Variants in WDR70 observed in about 807,000 individuals in gnomAD.
The protein encoded by WDR70 is WD repeat-containing protein 70.
A neutral mutation model predicts 88.6 loss-of-function variants in WDR70; 53 were observed. The observed-to-expected ratio is 0.60, with a 90% CI of 0.48 to 0.75. The LOEUF is 0.75. WDR70 is among the 30% of genes least tolerant of loss of function. The pLI is 0.00. For synonymous variants in WDR70, 280 were observed against 270.0 expected (o/e 1.04, Z -0.36); for missense variants, 610 against 823.2 (o/e 0.74, Z 3.17).
intron 13 of WDR70, among the ~76,000 whole-genome samples, chr5:37,714,035 G>A (rs936022809): frequency 1.3e-5 from 2 of 152,170 alleles, no homozygotes; most frequent in African/African-American, 4.8e-5. Flanking sequence ...TCTTGTAGGA[G>A]GATGGGTTGT....
chr5:37,608,825 C>G (rs1056225806), intron 10 of WDR70, among the ~76,000 whole-genome samples: 3 of 152,178 alleles, frequency 2.0e-5, no homozygotes, highest in Admixed American at 1.3e-4. Context: ...TCCCCAAGTG[C>G]TGGTATGACA....
chr5:37,384,989 C>T (rs181733034), intron 3 of WDR70, among the ~76,000 whole-genome samples: 6 of 152,234 alleles, frequency 3.9e-5, no homozygotes, highest in East Asian at 1.9e-4. Flanking sequence ...TTCCCATGAC[C>T]GCTCTTTTTG....
At chr5:37,694,401 A>T (rs758532880) in intron 10 of WDR70, among the ~76,000 whole-genome samples, 67 of 152,348 alleles carry the variant, frequency 4.4e-4, no homozygotes, top group Non-Finnish European at 9.0e-4. Context: ...GTGCTCACGT[A>T]TGTTAATTGC....
At chr5:37,641,329 C>T (rs1456967377) in intron 10 of WDR70, among the ~76,000 whole-genome samples, 4 of 151,540 alleles carry the variant, frequency 2.6e-5, no homozygotes, top group Admixed American at 6.6e-5. Context: ...TGGTCTTGAA[C>T]TCCTGACCTC....
intron 10 of WDR70, among the ~76,000 whole-genome samples, chr5:37,686,761 A>G (rs1435888873): frequency 1.3e-5 from 2 of 151,476 alleles, no homozygotes; most frequent in African/African-American, 4.9e-5. Context: ...TCCAATTGGG[A>G]GTTTGTATTG....
intron 9 of WDR70, among the ~76,000 whole-genome samples, chr5:37,579,049 A>G (rs992192523): frequency 4.6e-5 from 7 of 152,244 alleles, no homozygotes; most frequent in Non-Finnish European, 8.8e-5. Flanking sequence ...TAAGAGAAAT[A>G]CTGGAATGAA....
At position 37,701,068 on chromosome 5, in the gene WDR70, A is replaced by C; in HGVS notation, c.1203A>C (p.Ser401=). 6.2e-7 allele frequency: 1 copy of C among 1,610,388 alleles called. No individual in the cohort carries two copies. Among genetic ancestry groups the C allele is most frequent in the Non-Finnish European group, 8.5e-7 (1 of 1,176,902 alleles). Reference sequence around the variant, plus strand: ...TCATTCCTCTGTCAGGTGACGATTCATTAAAATTATGGGACATCCGACAAT... The same window carrying C: ...TCATTCCTCTGTCAGGTGACGATTCCTTAAAATTATGGGACATCCGACAAT... ...NVLASRGGDD[S]LKLWDIRQFN... Residue 401 remains serine (S), a synonymous_variant, in exon 12 of 18, where the codon TCA becomes TCC. Transcript: ENST00000265107.
chr5:37,457,638 G>A (rs577712990), intron 7 of WDR70, among the ~76,000 whole-genome samples: 82 of 152,294 alleles, frequency 5.4e-4, no homozygotes, highest in African/African-American at 1.9e-3. Context: ...AGCATTATAT[G>A]TGATGATGAC....
chr5:37,720,815 C>T (rs1168249950), intron 13 of WDR70, among the ~76,000 whole-genome samples: 1 of 152,134 alleles, frequency 6.6e-6, no homozygotes, highest in Non-Finnish European at 1.5e-5. Context: ...TGATGCCAGC[C>T]TCACGTGGTA....
intron 9 of WDR70, among the ~76,000 whole-genome samples, chr5:37,518,602 C>A (rs1740967360): frequency 6.6e-6 from 1 of 151,596 alleles, no homozygotes; most frequent in African/African-American, 2.4e-5. Context: ...ATCCATTTAT[C>A]TGTTGATGGA....
intron 3 of WDR70, among the ~76,000 whole-genome samples, chr5:37,382,320 G>A (rs1186354674): frequency 6.6e-6 from 1 of 150,878 alleles, no homozygotes; most frequent in East Asian, 2.0e-4. Flanking sequence ...GGCTAGTTTC[G>A]AACTCCTGAC....
chr5:37,444,632 C>T lies in WDR70; in HGVS notation c.686+1260C>T, dbSNP rs564303940. ...TGCTGGGATTACAGGCATGAGCCAC[C>T]GCGCCTGGCCCATAAGACACTCTCT... On this transcript the variant is annotated intron_variant, in intron 7 of 17. Transcript: ENST00000265107. Among the ~76,000 whole-genome samples, 188 of 152,124 alleles carry T rather than the reference C, an allele frequency of 1.2e-3. 1 individual carries two copies. Among genetic ancestry groups the T allele is most frequent in the African/African-American group, 4.0e-3 (166 of 41,530 alleles).
chr5:37,746,561 A>G (rs1160389624), intron 17 of WDR70, among the ~76,000 whole-genome samples: 2 of 152,312 alleles, frequency 1.3e-5, no homozygotes, highest in East Asian at 3.9e-4. Context: ...AATCAAATAG[A>G]TGCAATAAAA....
At chr5:37,656,879 G>A (rs936716768) in intron 10 of WDR70, among the ~76,000 whole-genome samples, 1 of 152,152 alleles carries the variant, frequency 6.6e-6, no homozygotes, top group African/African-American at 2.4e-5. Flanking sequence ...TTAGCTCACT[G>A]ATCTCCATGT....
chr5:37,570,903 T>A (rs1368450405), intron 9 of WDR70, among the ~76,000 whole-genome samples: 2 of 152,304 alleles, frequency 1.3e-5, no homozygotes, highest in East Asian at 3.9e-4. Context: ...ATTATTTTCT[T>A]GCCCTAGTTT....
intron 17 of WDR70, among the ~76,000 whole-genome samples, chr5:37,736,778 ATAGTAAAAAG>A (rs1031996402): frequency 6.6e-6 from 1 of 152,072 alleles, no homozygotes; most frequent in Non-Finnish European, 1.5e-5. Flanking sequence ...ATGTTTGGTA[ATAGTAAAAAG>A]TAATTATGGA....
At chr5:37,561,650 C>A (rs945600204) in intron 9 of WDR70, among the ~76,000 whole-genome samples, 1 of 152,166 alleles carries the variant, frequency 6.6e-6, no homozygotes, top group Admixed American at 6.5e-5. Context: ...AGGGTCTCAG[C>A]AACAGGCCAT....
At chr5:37,638,268 T>C (rs1427450732) in intron 10 of WDR70, among the ~76,000 whole-genome samples, 2 of 152,214 alleles carry the variant, frequency 1.3e-5, no homozygotes, top group Non-Finnish European at 2.9e-5. Context: ...ACTTCAAGTT[T>C]TAATTTGCTT....
chr5:37,489,507 G>A (rs560284402), intron 8 of WDR70, among the ~76,000 whole-genome samples: 1 of 152,290 alleles, frequency 6.6e-6, no homozygotes, highest in Admixed American at 6.5e-5. Context: ...GTGGCAGGCT[G>A]AGCAACCTTG....
Sources: allele counts gnomAD v4.1 joint callset (sites outside exome capture counted in the v4.1 genomes callset), GRCh38; gene constraint gnomAD v4.1.1; transcripts MANE v1.5; gene names NCBI Gene and HGNC (gene_info 2026-07-23, HGNC 2026-07-21).